Variants in RELN observed in about 807,000 individuals in gnomAD.
The protein encoded by RELN is reelin.
RELN carries 108 observed loss-of-function variants against 427.6 expected under a neutral mutation model. That is an observed-to-expected ratio of 0.25 (90% CI 0.22 to 0.30). The LOEUF (loss-of-function observed/expected upper bound fraction) is 0.30. Among genes scored for constraint, RELN ranks in the 10% least tolerant of loss-of-function variants. RELN has a pLI of 1.00. For missense variants in RELN, 3,715 were observed against 4,302.8 expected, an observed-to-expected ratio of 0.86 and a Z score of 3.82; for synonymous variants, 1,524 against 1,513.4, an observed-to-expected ratio of 1.01 and a Z score of -0.16.
At chr7:103,715,458 A>G (rs1025768132) in intron 8 of RELN, among the ~76,000 whole-genome samples, 10 of 152,190 alleles carry the variant, frequency 6.6e-5, no homozygotes, top group Non-Finnish European at 4.4e-5. Context: ...CAGACTTACA[A>G]ACCTTTCTTT....
chr7:103,864,159 T>C (rs1001428456), intron 2 of RELN, among the ~76,000 whole-genome samples: 6 of 152,178 alleles, frequency 3.9e-5, no homozygotes, highest in African/African-American at 1.4e-4. Flanking sequence ...TCAACCGTAA[T>C]TGAAATCTCA....
At chr7:103,665,243 G>C (rs573151021) in intron 11 of RELN, among the ~76,000 whole-genome samples, 2 of 152,058 alleles carry the variant, frequency 1.3e-5, no homozygotes, top group East Asian at 1.9e-4. Flanking sequence ...CTATAAACGT[G>C]AGTCTGTTTC....
At chr7:103,693,489 G>A (rs1325120508) in intron 10 of RELN, among the ~76,000 whole-genome samples, 2 of 150,678 alleles carry the variant, frequency 1.3e-5, no homozygotes, top group Non-Finnish European at 2.9e-5. Context: ...TTCTGCACGT[G>A]TATCCCAGAA....
intron 2 of RELN, among the ~76,000 whole-genome samples, chr7:103,846,512 C>T (rs1001246559): frequency 2.6e-5 from 4 of 152,114 alleles, no homozygotes; most frequent in East Asian, 1.9e-4. Context: ...AGGACATAGG[C>T]GTGGGCAAAG....
intron 17 of RELN, among the ~76,000 whole-genome samples, chr7:103,638,849 G>T (rs1047884641): frequency 2.0e-5 from 3 of 152,118 alleles, no homozygotes; most frequent in Non-Finnish European, 4.4e-5. Flanking sequence ...TGGCATAGAT[G>T]GTAGCCTTAA....
At chr7:103,781,328 G>T (rs964860988) in intron 3 of RELN, among the ~76,000 whole-genome samples, 1 of 151,964 alleles carries the variant, frequency 6.6e-6, no homozygotes, top group Non-Finnish European at 1.5e-5. Flanking sequence ...ATCTTCTATG[G>T]AAATATATAT....
At chr7:103,598,184 T>C (rs1831583254) in intron 24 of RELN, among the ~76,000 whole-genome samples, 1 of 152,180 alleles carries the variant, frequency 6.6e-6, no homozygotes, top group Non-Finnish European at 1.5e-5. Flanking sequence ...ATTAAGAGTT[T>C]TCAAAATAAA....
At chr7:103,974,263 C>A (rs139938574) in intron 1 of RELN, among the ~76,000 whole-genome samples, 1 of 152,248 alleles carries the variant, frequency 6.6e-6, no homozygotes, top group African/African-American at 2.4e-5. Flanking sequence ...CGAGTACTAT[C>A]ATCACTATTT....
chr7:103,694,120 A>G (rs1482233201), intron 10 of RELN, among the ~76,000 whole-genome samples: 1 of 152,128 alleles, frequency 6.6e-6, no homozygotes, highest in African/African-American at 2.4e-5. Context: ...GCATGGAACA[A>G]AGCTGGAGCA....
Position 103,565,553 on chromosome 7 carries a change from T to TG in RELN, c.4937-3dup. The TG allele has an allele frequency of 6.3e-7, 1 of 1,585,792 alleles. No homozygotes were observed. Among genetic ancestry groups the TG allele is most frequent in the Non-Finnish European group, 8.6e-7 (1 of 1,168,818 alleles). On this transcript the variant is annotated splice_region_variant and splice_polypyrimidine_tract_variant and intron_variant, in intron 33 of 64. Coordinates refer to ENST00000428762, the MANE Select transcript of RELN (RefSeq NM_005045.4). ...AGGTCTCAGCATAACGAGGTTTTCCTGAAAAAAAAAAATGTGTAATGGTAG... is the reference window on the plus strand; with the variant it reads ...AGGTCTCAGCATAACGAGGTTTTCCTGGAAAAAAAAAAATGTGTAATGGTAG...
Position 103,565,395 on chromosome 7 carries a change from G to C in RELN, c.5093C>G (p.Thr1698Ser). 6.2e-7 allele frequency: 1 copy of C among 1,614,086 alleles called. No individual in the cohort carries two copies. ...LNNGKDWHLV[T>S]EECVPPTIGC... Reference sequence around the variant, plus strand: ...AATGGTTGGAGGAACACACTCTTCGGTGACAAGATGCCAGTCCTTGCCATT... The same window carrying C: ...AATGGTTGGAGGAACACACTCTTCGCTGACAAGATGCCAGTCCTTGCCATT... The change falls in exon 34 of 65, where the codon ACC becomes AGC. Residue 1698 changes from threonine (T) to serine (S), a missense_variant. This residue lies in a region of RELN where 2,208 missense variants were observed against 2,361.7 expected (regional missense o/e 0.93). Transcript: ENST00000428762.
In RELN at chr7:103,561,558, A is replaced by G; in HGVS notation, c.5503T>C (p.Ser1835Pro). 1 of 1,613,862 alleles carries G rather than the reference A, an allele frequency of 6.2e-7. No homozygotes were observed. Among genetic ancestry groups the G allele is most frequent in the Non-Finnish European group, 8.5e-7 (1 of 1,179,796 alleles). The change falls in exon 36 of 65, where the codon TCT becomes CCT. Residue 1835 changes from serine to proline, a missense_variant. Coordinates refer to ENST00000428762, the MANE Select transcript of RELN (RefSeq NM_005045.4). ...RGNLNGETIK[S>P]GTSLIFKGEG... is the part of the protein sequence containing the mutation. ...CCTTTAAAAATTAGAGATGTTCCAGATTTGATGGTTTCACCATTCAGATTC... is the reference window on the plus strand; with the variant it reads ...CCTTTAAAAATTAGAGATGTTCCAGGTTTGATGGTTTCACCATTCAGATTC...
chr7:103,708,589 A>C lies in RELN; in HGVS notation c.806-7583T>G, dbSNP rs557239722. Among the ~76,000 whole-genome samples the C allele has an allele frequency of 4.0e-5, 6 of 150,208 alleles. No individual in the cohort carries two copies. In the East Asian group the frequency reaches 1.2e-3, roughly 30 times the overall value. On this transcript the variant is annotated intron_variant, in intron 8 of 64. Coordinates refer to ENST00000428762, the MANE Select transcript of RELN (RefSeq NM_005045.4). The stretch of plus-strand genomic sequence containing the variant: ...TGCCATTCTCCTGCCTCAGCCTCCC[A>C]AGTAGCTGGGACTACAGGCGCCCGC...
rs10244159 is a variant in RELN, at chr7:103,620,497, A to T, written c.2703-8694T>A. On this transcript the variant is annotated intron_variant, in intron 20 of 64. Transcript: ENST00000428762. This position sits in a 1 kb window ranked among gnomAD's most constrained non-coding sequence, Gnocchi z 4.1. ...CACATTTTTTTTTTTTTTTTGAGAT[A>T]GAGTCTCGTCTGTCGCCCAGGCTGG... 1.3e-5 allele frequency among the ~76,000 whole-genome samples: 2 copies of T among 148,752 alleles called. No individual in the cohort carries two copies. The highest frequency in any genetic ancestry group is 6.7e-5 in the Admixed American group (1 of 15,020).
At chr7:103,647,204 T>C (rs1261003501) in intron 16 of RELN, among the ~76,000 whole-genome samples, 4 of 151,826 alleles carry the variant, frequency 2.6e-5, no homozygotes, top group Non-Finnish European at 4.4e-5. Flanking sequence ...GCAAGTACTA[T>C]CTAGAGCAAT....
intron 50 of RELN, among the ~76,000 whole-genome samples, chr7:103,514,548 A>G (rs963780364): frequency 1.3e-5 from 2 of 152,002 alleles, no homozygotes; most frequent in African/African-American, 4.8e-5. Flanking sequence ...AATCCCAGCT[A>G]CTCTGGAGGC....
In RELN at chr7:103,689,004, A is replaced by ATATG. The variant is rs1345642146; in HGVS notation, c.1144-6747_1144-6744dup. ...AAGTAGTAGTAGAGGAAACATTAAGATATGACCCTTCTAAATTCAGTAACT... is the reference window on the plus strand; with the variant it reads ...AAGTAGTAGTAGAGGAAACATTAAGATATGTATGACCCTTCTAAATTCAGTAACT... On this transcript the variant is annotated intron_variant, in intron 10 of 64. Coordinates refer to ENST00000428762, the MANE Select transcript of RELN (RefSeq NM_005045.4). 1.4e-4 allele frequency among the ~76,000 whole-genome samples: 21 copies of ATATG among 152,282 alleles called. 1 individual carries two copies. The highest frequency in any genetic ancestry group is 5.1e-4 in the African/African-American group (21 of 41,564).
chr7:103,519,372 T>C lies in RELN; in HGVS notation c.7813A>G (p.Thr2605Ala), dbSNP rs1474285431. ...LLEYSVNGGI[T>A]WNLLMEIFYD... The stretch of plus-strand genomic sequence containing the variant: ...AAAATCTCCATGAGCAGGTTCCAGG[T>C]AATGCCTCCATTGACAGAATATTCC... Residue 2605 changes from threonine (T) to alanine (A), a missense_variant, in exon 49 of 65, where the codon ACC becomes GCC. Thr to Ala is a moderately conservative substitution (Grantham distance 58). Coordinates refer to ENST00000428762, the MANE Select transcript of RELN (RefSeq NM_005045.4). The C allele has an allele frequency of 6.2e-7, 1 of 1,614,136 alleles. No homozygotes were observed. Among genetic ancestry groups the C allele is most frequent in the Non-Finnish European group, 8.5e-7 (1 of 1,179,986 alleles).
Position 103,988,747 on chromosome 7 carries a change from G to A in RELN, c.226+384C>T, listed in dbSNP as rs1443415447. Among the ~76,000 whole-genome samples the A allele has an allele frequency of 6.6e-6, 1 of 152,196 alleles. No homozygotes were observed. Among genetic ancestry groups the A allele is most frequent in the Non-Finnish European group, 1.5e-5 (1 of 68,036 alleles). On this transcript the variant is annotated intron_variant, in intron 1 of 64. Transcript: ENST00000428762. The surrounding 1 kb of genome is among the most constrained non-coding windows in gnomAD (Gnocchi z 4.9). ...ACGCCCCCCCGGGGACCCATCTGGGGGGACCGGGAGCAGGACAAAGGTCTG... is the reference window on the plus strand; with the variant it reads ...ACGCCCCCCCGGGGACCCATCTGGGAGGACCGGGAGCAGGACAAAGGTCTG...
Sources: allele counts gnomAD v4.1 joint callset (sites outside exome capture counted in the v4.1 genomes callset), GRCh38; gene constraint gnomAD v4.1.1; regional missense constraint gnomAD v4.1.1; non-coding constraint Gnocchi (gnomAD v3.1); transcripts MANE v1.5; gene names NCBI Gene and HGNC (gene_info 2026-07-23, HGNC 2026-07-21).